Variants in SPSB4 observed in about 807,000 individuals in gnomAD.
The protein encoded by SPSB4 is SPRY domain-containing SOCS box protein 4.
SPSB4 carries 21 observed loss-of-function variants against 20.9 expected under a neutral mutation model. The ratio of observed to expected loss-of-function variants is 1.01; its 90% CI spans 0.71 to 1.45. SPSB4 has a LOEUF of 1.45. Ranked by LOEUF, SPSB4 falls within the 40% of genes most tolerant of loss-of-function variation. The probability of loss-of-function intolerance (pLI) is 0.00; values close to 1 mark genes in which losing one functional copy is unlikely to be tolerated. For synonymous variants in SPSB4, 207 were observed against 183.8 expected (o/e 1.13, Z -1.02); for missense variants, 399 against 399.2 (o/e 1.00, Z 0.00).
At chr3:141,144,829 G>A (rs563299767) in intron 2 of SPSB4, among the ~76,000 whole-genome samples, 14 of 152,290 alleles carry the variant, frequency 9.2e-5, no homozygotes, top group Middle Eastern at 6.8e-3. Context: ...CATTTTGGGC[G>A]TTGAATACCT....
chr3:141,079,807 G>A (rs946608014), intron 2 of SPSB4, among the ~76,000 whole-genome samples: 2 of 152,194 alleles, frequency 1.3e-5, no homozygotes, highest in Non-Finnish European at 2.9e-5. Flanking sequence ...TGGGGGAGGG[G>A]CATTTAAGTG....
intron 2 of SPSB4, among the ~76,000 whole-genome samples, chr3:141,108,856 A>C (rs1314651890): frequency 6.6e-6 from 1 of 152,222 alleles, no homozygotes; most frequent in Non-Finnish European, 1.5e-5. Context: ...CGAAAGCAGC[A>C]TTTCAGGGGA....
chr3:141,099,010 C>T (rs1386359861), intron 2 of SPSB4, among the ~76,000 whole-genome samples: 4 of 151,988 alleles, frequency 2.6e-5, no homozygotes, highest in Non-Finnish European at 5.9e-5. Context: ...TCAGGAGGCC[C>T]CTCCCAAGAT....
At chr3:141,114,224 G>A (rs1408929166) in intron 2 of SPSB4, among the ~76,000 whole-genome samples, 1 of 152,090 alleles carries the variant, frequency 6.6e-6, no homozygotes, top group Non-Finnish European at 1.5e-5. Flanking sequence ...AAAATACCAG[G>A]GGTGAATTCA....
intron 2 of SPSB4, among the ~76,000 whole-genome samples, chr3:141,081,602 GA>G (rs1938231922): frequency 6.6e-6 from 1 of 152,010 alleles, no homozygotes; most frequent in Non-Finnish European, 1.5e-5. Flanking sequence ...GGTATGCCAG[GA>G]ATGCTGAGGA....
intron 2 of SPSB4, among the ~76,000 whole-genome samples, chr3:141,089,054 A>C (rs757157476): frequency 1.7e-4 from 26 of 152,234 alleles, no homozygotes; most frequent in Non-Finnish European, 2.8e-4. Flanking sequence ...TCATGATTGA[A>C]TGAAACATTG....
At chr3:141,131,789 G>A (rs1939134968) in intron 2 of SPSB4, among the ~76,000 whole-genome samples, 1 of 152,186 alleles carries the variant, frequency 6.6e-6, no homozygotes, top group African/African-American at 2.4e-5. Context: ...GCTCCTATGA[G>A]CATTTGTGAA....
intron 2 of SPSB4, among the ~76,000 whole-genome samples, chr3:141,128,108 G>A (rs546456583): frequency 6.6e-6 from 1 of 152,362 alleles, no homozygotes; most frequent in Non-Finnish European, 1.5e-5. Flanking sequence ...GTTTCCCTGA[G>A]GGGAAATAAT....
At chr3:141,134,056 C>CTTTTTTTTTTTTTTTTTTTTTTTTTTT (rs1222303281) in intron 2 of SPSB4, among the ~76,000 whole-genome samples, 6 of 61,628 alleles carry the variant, frequency 9.7e-5, no homozygotes, top group South Asian at 6.4e-4. Flanking sequence ...TTTCTTTTTT[C>CTTTTTTTTTTTTTTTTTTTTTTTTTTT]TTTTTTTTTT....
chr3:141,115,855 AAAG>A (rs1938872120), intron 2 of SPSB4, among the ~76,000 whole-genome samples: 1 of 152,170 alleles, frequency 6.6e-6, no homozygotes, highest in Admixed American at 6.5e-5. Context: ...TCATTTGACT[AAAG>A]GAGGAGGGGA....
At chr3:141,091,552 C>T (rs1392673630) in intron 2 of SPSB4, among the ~76,000 whole-genome samples, 1 of 152,230 alleles carries the variant, frequency 6.6e-6, no homozygotes, top group African/African-American at 2.4e-5. Flanking sequence ...TCCCATCTGA[C>T]AAGTGAGAAC....
At chr3:141,089,651 AGATTTTC>A in intron 2 of SPSB4, among the ~76,000 whole-genome samples, 1 of 152,322 alleles carries the variant, frequency 6.6e-6, no homozygotes, top group South Asian at 2.1e-4. Context: ...GCATTTTATC[AGATTTTC>A]GCAGCCAGGC....
At chr3:141,111,215 T>C (rs1938792531) in intron 2 of SPSB4, among the ~76,000 whole-genome samples, 1 of 152,186 alleles carries the variant, frequency 6.6e-6, no homozygotes, top group Admixed American at 6.5e-5. Flanking sequence ...GGTGAGACTA[T>C]TTATATCACT....
intron 2 of SPSB4, among the ~76,000 whole-genome samples, chr3:141,091,886 A>C (rs774198878): frequency 4.6e-5 from 7 of 152,198 alleles, no homozygotes; most frequent in African/African-American, 9.7e-5. Context: ...TTTGTCAGAC[A>C]GTTTCCTTTT....
chr3:141,076,673 C>T (rs544249160), intron 2 of SPSB4, among the ~76,000 whole-genome samples: 3 of 152,248 alleles, frequency 2.0e-5, no homozygotes, highest in Admixed American at 1.3e-4. Flanking sequence ...GTGTCTGTCC[C>T]GAACTTGAGT....
intron 2 of SPSB4, among the ~76,000 whole-genome samples, chr3:141,134,300 C>T (rs559363362): frequency 6.6e-6 from 1 of 151,910 alleles, no homozygotes; most frequent in Admixed American, 6.6e-5. Flanking sequence ...TTTAGATGCC[C>T]TTTGTTTATT....
At chr3:141,144,355 A>G (rs1939379501) in intron 2 of SPSB4, among the ~76,000 whole-genome samples, 1 of 152,134 alleles carries the variant, frequency 6.6e-6, no homozygotes, top group Non-Finnish European at 1.5e-5. Context: ...TTTCGGTTTT[A>G]TCTTTAGTCA....
intron 2 of SPSB4, 144 bp from the exon 3 acceptor site, chr3:141,146,998 C>T (rs1576546854): frequency 9.0e-7 from 1 of 1,116,886 alleles, no homozygotes; most frequent in Non-Finnish European, 1.3e-6. Context: ...CTTATGTAAC[C>T]AGAGAAATCT....
intron 2 of SPSB4, among the ~76,000 whole-genome samples, chr3:141,118,200 A>C (rs1296434500): frequency 6.6e-6 from 1 of 152,188 alleles, no homozygotes; most frequent in Non-Finnish European, 1.5e-5. Flanking sequence ...CTGGCATGAG[A>C]TGGTATCTCA....
Sources: allele counts gnomAD v4.1 joint callset (sites outside exome capture counted in the v4.1 genomes callset), GRCh38; gene constraint gnomAD v4.1.1; transcripts MANE v1.5; gene names NCBI Gene and HGNC (gene_info 2026-07-23, HGNC 2026-07-21).